The following CNTNAP2 variants were observed in gnomAD, a reference collection of about 807,000 sequenced individuals.
The protein encoded by CNTNAP2 is contactin-associated protein-like 2.
CNTNAP2 carries 98 observed loss-of-function variants against 155.2 expected under a neutral mutation model. The observed-to-expected ratio is 0.63, with a 90% CI of 0.54 to 0.75. The LOEUF (loss-of-function observed/expected upper bound fraction) is 0.75, where lower values mean the gene tolerates loss of function less well. Ranked by LOEUF, CNTNAP2 falls within the 30% of genes least tolerant of loss-of-function variation. CNTNAP2 has a pLI of 0.00. For missense variants in CNTNAP2, 1,727 were observed against 1,688.1 expected (o/e 1.02, Z -0.40); for synonymous variants, 651 against 631.2 (o/e 1.03, Z -0.47).
At chr7:146,843,485 C>G (rs1171255306) in intron 3 of CNTNAP2, among the ~76,000 whole-genome samples, 4 of 150,912 alleles carry the variant, frequency 2.7e-5, no homozygotes, top group African/African-American at 9.7e-5. Context: ...CAAACCATAT[C>G]AGAGACACAA....
chr7:146,714,565 C>A (rs535344788), intron 1 of CNTNAP2, among the ~76,000 whole-genome samples: 6 of 152,236 alleles, frequency 3.9e-5, no homozygotes, highest in African/African-American at 1.2e-4. Context: ...TAACACAATG[C>A]TTCATGTACT....
At chr7:146,170,079 T>G (rs1584784802) in intron 1 of CNTNAP2, among the ~76,000 whole-genome samples, 1 of 145,992 alleles carries the variant, frequency 6.8e-6, no homozygotes, top group Admixed American at 7.2e-5. Flanking sequence ...GAGGCTGGAG[T>G]GCAGTGGTGC....
At chr7:147,246,971 A>G (rs145534778) in intron 8 of CNTNAP2, among the ~76,000 whole-genome samples, 1,640 of 152,336 alleles carry the variant, frequency 0.011, 12 homozygotes, top group South Asian at 0.033. Context: ...CTGAGACTCA[A>G]TCACTGAACA....
At chr7:147,872,974 T>A (rs1799353192) in intron 13 of CNTNAP2, among the ~76,000 whole-genome samples, 2 of 152,248 alleles carry the variant, frequency 1.3e-5, no homozygotes, top group Non-Finnish European at 2.9e-5. Flanking sequence ...ATACATGTGC[T>A]GATCAAAGCC....
intron 1 of CNTNAP2, among the ~76,000 whole-genome samples, chr7:146,423,147 A>G (rs1459769898): frequency 6.6e-6 from 1 of 152,038 alleles, no homozygotes; most frequent in African/African-American, 2.4e-5. Context: ...CTCTTGTGCA[A>G]CTTTTCTTAT....
In CNTNAP2 at chr7:147,700,865, G is replaced by A. The variant is rs149582329; in HGVS notation, c.2098+61559G>A. ...ATAACTATTACTCATCATTTGGCCC[G>A]CTGGGTCTCCTTTTGTACTGGAACA... On this transcript the variant is annotated intron_variant, in intron 13 of 23. Coordinates refer to ENST00000361727, the MANE Select transcript of CNTNAP2 (RefSeq NM_014141.6). 8.4e-3 allele frequency among the ~76,000 whole-genome samples: 1,277 copies of A among 152,196 alleles called. 19 individuals carry two copies. Among genetic ancestry groups the A allele is most frequent in the African/African-American group, 0.03 (1,230 of 41,536 alleles).
At chr7:147,643,043 A>T (rs751618947) in intron 13 of CNTNAP2, among the ~76,000 whole-genome samples, 1 of 152,130 alleles carries the variant, frequency 6.6e-6, no homozygotes, top group Non-Finnish European at 1.5e-5. Context: ...CCAGGCTTTG[A>T]TAGAGCTTGG....
intron 15 of CNTNAP2, among the ~76,000 whole-genome samples, chr7:148,117,267 G>C (rs1804493856): frequency 6.6e-6 from 1 of 152,210 alleles, no homozygotes; most frequent in Non-Finnish European, 1.5e-5. Context: ...TGGGCTCACT[G>C]CCTCATCCCC....
intron 9 of CNTNAP2, among the ~76,000 whole-genome samples, chr7:147,389,444 C>A (rs1563185840): frequency 6.6e-6 from 1 of 152,186 alleles, no homozygotes; most frequent in Non-Finnish European, 1.5e-5. Context: ...AACATTATAA[C>A]TTACAACAAT....
chr7:148,176,598 T>C (rs1794941024), intron 18 of CNTNAP2, among the ~76,000 whole-genome samples: 1 of 152,150 alleles, frequency 6.6e-6, no homozygotes, highest in East Asian at 1.9e-4. Flanking sequence ...CTTGAATCTT[T>C]AGTAGGAGTG....
At chr7:146,410,049 AT>A (rs1795844466) in intron 1 of CNTNAP2, among the ~76,000 whole-genome samples, 1 of 152,056 alleles carries the variant, frequency 6.6e-6, no homozygotes. Flanking sequence ...GACCTGGTAT[AT>A]TTGCAGTAAA....
intron 18 of CNTNAP2, among the ~76,000 whole-genome samples, chr7:148,178,813 T>A (rs1226213381): frequency 6.6e-6 from 1 of 152,246 alleles, no homozygotes; most frequent in Non-Finnish European, 1.5e-5. Context: ...CTTTTCATTC[T>A]TAGCAGCTCT....
chr7:147,006,010 C>G (rs1001527820), intron 3 of CNTNAP2, among the ~76,000 whole-genome samples: 1 of 151,874 alleles, frequency 6.6e-6, no homozygotes, highest in African/African-American at 2.4e-5. Flanking sequence ...AGAGATGGCT[C>G]TACCCATCTG....
chr7:146,264,074 G>A (rs1799959154), intron 1 of CNTNAP2, among the ~76,000 whole-genome samples: 1 of 152,148 alleles, frequency 6.6e-6, no homozygotes, highest in Non-Finnish European at 1.5e-5. Context: ...AAGTAAGTTA[G>A]AAAGTGATTT....
At chr7:146,755,327 A>T in intron 1 of CNTNAP2, among the ~76,000 whole-genome samples, 1 of 152,172 alleles carries the variant, frequency 6.6e-6, no homozygotes, top group Middle Eastern at 3.4e-3. Flanking sequence ...TCAAAAGTGT[A>T]TGTGTGAATA....
At position 146,376,889 on chromosome 7, in the gene CNTNAP2, G is replaced by T. The variant is rs369683958; in HGVS notation, c.97+259916G>T. ...GCCTTTTCCACCATGTCAGGATATAGCATTAGTCCCCTCTGGAGGCCACTG... is the reference window on the plus strand; with the variant it reads ...GCCTTTTCCACCATGTCAGGATATATCATTAGTCCCCTCTGGAGGCCACTG... On this transcript the variant is annotated intron_variant, in intron 1 of 23. Coordinates refer to ENST00000361727, the MANE Select transcript of CNTNAP2 (RefSeq NM_014141.6). 4.6e-5 allele frequency among the ~76,000 whole-genome samples: 7 copies of T among 152,072 alleles called. No individual in the cohort carries two copies. In the East Asian group the frequency reaches 1.2e-3, roughly 25 times the overall value.
rs556666382 is a variant in CNTNAP2, at chr7:147,906,282, C to T, written c.2255+2561C>T. ...CCTCGGCCCACTGAAACCTCTGCCT[C>T]CCCGGTTCAAGCAATTCTCCTGCCT... On this transcript the variant is annotated intron_variant, in intron 14 of 23. Coordinates refer to ENST00000361727, the MANE Select transcript of CNTNAP2 (RefSeq NM_014141.6). 2.3e-3 allele frequency among the ~76,000 whole-genome samples: 345 copies of T among 152,132 alleles called. 1 individual carries two copies. The highest frequency in any genetic ancestry group is 7.9e-3 in the African/African-American group (329 of 41,484).
At chr7:148,312,098 T>C (rs1466119230) in intron 21 of CNTNAP2, among the ~76,000 whole-genome samples, 1 of 152,196 alleles carries the variant, frequency 6.6e-6, no homozygotes, top group Non-Finnish European at 1.5e-5. Flanking sequence ...TGTGATTTTT[T>C]GGGCCTCTAA....
intron 2 of CNTNAP2, among the ~76,000 whole-genome samples, chr7:146,784,888 A>G (rs570536398): frequency 6.6e-6 from 1 of 151,982 alleles, no homozygotes; most frequent in African/African-American, 2.4e-5. Context: ...ATATTTACAC[A>G]CTGAATTTTT....
Sources: gnomAD v4.1 joint callset for allele counts (sites outside exome capture counted in the v4.1 genomes callset) on GRCh38, gnomAD v4.1.1 for gene constraint, MANE v1.5 for transcripts, NCBI Gene and HGNC (gene_info 2026-07-23, HGNC 2026-07-21) for gene names.